The following HDAC6 variants were observed in gnomAD, a reference collection of about 807,000 sequenced individuals.
HDAC6 encodes the protein histone deacetylase 6, also known as protein deacetylase HDAC6.
Under a neutral mutation model 88.9 loss-of-function variants are expected in HDAC6, and 5 were observed. The ratio of observed to expected loss-of-function variants is 0.06; its 90% CI spans 0.03 to 0.12. The LOEUF (loss-of-function observed/expected upper bound fraction) is 0.12, where lower values mean the gene tolerates loss of function less well. HDAC6 is among the 10% of genes least tolerant of loss of function. The pLI, the probability that HDAC6 is intolerant of heterozygous loss-of-function variation, is 1.00. For missense variants in HDAC6, 706 were observed against 1,014.4 expected, an observed-to-expected ratio of 0.70 and a Z score of 4.13; for synonymous variants, 378 against 398.0, an observed-to-expected ratio of 0.95 and a Z score of 0.60.
At chrX:48,804,583 C>G (rs1043859840) in intron 4 of HDAC6, among the ~76,000 whole-genome samples, 1 of 112,355 alleles carries the variant, frequency 8.9e-6, no homozygotes, top group African/African-American at 3.2e-5. Flanking sequence ...CTAAGACTAA[C>G]TTACTATGGG....
At chrX:48,818,139 G>C (rs2147373140) in intron 21 of HDAC6, 30 bp downstream of exon 21, 1 of 1,180,178 alleles carries the variant, frequency 8.5e-7, no homozygotes, top group East Asian at 3.1e-5. Context: ...GCCGCAGTGT[G>C]ATCAGGGAGG....
At chrX:48,806,805 ATCC>A in intron 8 of HDAC6, 99 bp downstream of exon 8, 1 of 480,513 alleles carries the variant, frequency 2.1e-6, no homozygotes, top group Admixed American at 4.5e-5. Context: ...TGATTCAAGA[ATCC>A]AAAGGTAAAA....
At chrX:48,805,833 G>C in intron 6 of HDAC6, 162 bp downstream of exon 6, 2 of 464,650 alleles carry the variant, frequency 4.3e-6, no homozygotes, top group Non-Finnish European at 3.8e-6. Context: ...AAGGGGACCA[G>C]TAAACATAAG....
At chrX:48,812,974 C>A (rs1386333178) in intron 10 of HDAC6, among the ~76,000 whole-genome samples, 2 of 111,170 alleles carry the variant, frequency 1.8e-5, no homozygotes, top group Non-Finnish European at 3.8e-5. Context: ...GTGGCCCGAT[C>A]TCGGCTCACT....
In HDAC6 at chrX:48,808,048, C is replaced by T. The variant is rs782534324; in HGVS notation, c.648C>T (p.His216=). 8 of 1,203,825 alleles carry T rather than the reference C, an allele frequency of 6.6e-6. No homozygotes were observed. The highest frequency in any genetic ancestry group is 7.9e-6 in the Non-Finnish European group (7 of 890,381). The change falls in exon 9 of 29, where the codon CAC becomes CAT. Residue 216 remains histidine (H), a synonymous_variant. Transcript: ENST00000334136. ...GMAIIRPPGH[H]AQHSLMDGYC... Reference sequence around the variant, plus strand: ...TCTTGCCCAGGCCTCCTGGACATCACGCCCAGCACAGTCTTATGGATGGCT... The same window carrying T: ...TCTTGCCCAGGCCTCCTGGACATCATGCCCAGCACAGTCTTATGGATGGCT...
At chrX:48,817,251 C>CAA (rs1302262373) in intron 19 of HDAC6, 75 bp from the exon 20 acceptor site, 3,481 of 814,058 alleles carry the variant, frequency 4.3e-3, no homozygotes, top group Non-Finnish European at 4.4e-3. Context: ...GACTCCGTCT[C>CAA]AAAAAAAAAA....
chrX:48,802,564 A>C (rs782271491), intron 1 of HDAC6, 99 bp from the exon 2 acceptor site: 2 of 1,137,569 alleles, frequency 1.8e-6, no homozygotes, highest in Admixed American at 5.6e-5. Context: ...AAGGAATGGA[A>C]TCTAATAGAG....
In HDAC6 at chrX:48,823,517, A is replaced by G; in HGVS notation, c.3118A>G (p.Thr1040Ala). The G allele has an allele frequency of 1.7e-6, 2 of 1,210,256 alleles. No homozygotes were observed. Among genetic ancestry groups the G allele is most frequent in the Non-Finnish European group, 2.2e-6 (2 of 894,707 alleles). Residue 1040 changes from threonine to alanine, a missense_variant, in exon 25 of 29, where the codon ACT becomes GCT. Physicochemically the swap from Thr to Ala is moderately conservative, Grantham distance 58. Coordinates refer to ENST00000334136, the MANE Select transcript of HDAC6 (RefSeq NM_006044.4). ...QTPPTSPVQG[T>A]TPQISPSTLI... Reference sequence around the variant, plus strand: ...CCCCCCAACCTCACCTGTGCAGGGAACTACACCCCAGATATCTCCCAGTAC... The same window carrying G: ...CCCCCCAACCTCACCTGTGCAGGGAGCTACACCCCAGATATCTCCCAGTAC...
At chrX:48,815,668 G>A in intron 16 of HDAC6, 26 bp downstream of exon 16, 1 of 1,175,382 alleles carries the variant, frequency 8.5e-7, no homozygotes, top group South Asian at 1.8e-5. Flanking sequence ...TGGGCCTGGT[G>A]TGGGGTGGAC....
At chrX:48,808,892 T>C (rs1366564092) in intron 10 of HDAC6, among the ~76,000 whole-genome samples, 2 of 112,507 alleles carry the variant, frequency 1.8e-5, no homozygotes, top group African/African-American at 3.2e-5. Flanking sequence ...TGAATTTTTA[T>C]TATTATTGTT....
At chrX:48,809,767 A>T (rs1204741715) in intron 10 of HDAC6, among the ~76,000 whole-genome samples, 1 of 108,946 alleles carries the variant, frequency 9.2e-6, no homozygotes, top group African/African-American at 3.4e-5. Flanking sequence ...GCACCACTGC[A>T]CTCCAGCCTG....
At chrX:48,817,547 G>A (rs2063009246) in intron 20 of HDAC6, 88 bp downstream of exon 20, 3 of 918,808 alleles carry the variant, frequency 3.3e-6, no homozygotes, top group Non-Finnish European at 4.5e-6. Context: ...ATGCCCCATG[G>A]TCCAGCTCCC....
Position 48,818,220 on chromosome X carries a change from T to C in HDAC6, c.1995T>C (p.Ser665=). Residue 665 remains serine (S), a splice_region_variant and synonymous_variant, in exon 22 of 29, where the codon AGT becomes AGC. Coordinates refer to ENST00000334136, the MANE Select transcript of HDAC6 (RefSeq NM_006044.4). ...GTQHMFEDDP[S]VLYVSLHRYD... is the part of the protein sequence containing the mutation. ...CCGCTTCCCACCCCCTCCCTGGCAG[T>C]GTGCTATATGTGTCCCTGCACCGCT... 1 of 1,175,953 alleles carries C rather than the reference T, an allele frequency of 8.5e-7. No individual in the cohort carries two copies. The highest frequency in any genetic ancestry group is 1.1e-6 in the Non-Finnish European group (1 of 874,817).
chrX:48,816,715 G>A (rs1438997328), intron 19 of HDAC6, 82 bp downstream of exon 19: 6 of 859,837 alleles, frequency 7.0e-6, no homozygotes, highest in Non-Finnish European at 1.6e-6. Context: ...GAGGCTCTGA[G>A]AGAGTCAAGC....
intron 10 of HDAC6, among the ~76,000 whole-genome samples, chrX:48,813,105 C>T (rs782232547): frequency 3.6e-5 from 4 of 112,072 alleles, no homozygotes; most frequent in Non-Finnish European, 5.6e-5. Flanking sequence ...GACAGGGTTT[C>T]GCCATGTTGG....
Position 48,823,222 on chromosome X carries a change from G to A in HDAC6, c.2823G>A (p.Glu941=). The A allele has an allele frequency of 8.3e-7, 1 of 1,201,891 alleles. No homozygotes were observed. ...GAMLGQTTSE[E]AVGGATPDQT... The stretch of plus-strand genomic sequence containing the variant: ...TGCTGGGCCAGACCACCTCAGAGGA[G>A]GCTGTCGGGGGAGCCACTCCGGACC... Residue 941 remains glutamate (E), a synonymous_variant, in exon 25 of 29, where the codon GAG becomes GAA. Transcript: ENST00000334136.
rs781805615 is a variant in HDAC6, at chrX:48,817,476, G to T, written c.1925+17G>T. 4 of 1,200,973 alleles carry T rather than the reference G, an allele frequency of 3.3e-6. No individual in the cohort carries two copies. The highest frequency in any genetic ancestry group is 4.5e-6 in the Non-Finnish European group (4 of 889,772). On this transcript the variant is annotated intron_variant, in intron 20 of 28. Transcript: ENST00000334136. Reference sequence around the variant, plus strand: ...TGCCCTACGGTAAGGACTCCCTGGGGACCCCCCAAATCCTGATCCTTGTGG... The same window carrying T: ...TGCCCTACGGTAAGGACTCCCTGGGTACCCCCCAAATCCTGATCCTTGTGG...
At chrX:48,801,862 G>A, upstream of HDAC6, 6 of 972,161 alleles carry the variant, frequency 6.2e-6, no homozygotes, top group South Asian at 1.2e-4. Flanking sequence ...CTGAGCGCTC[G>A]CGTCCCCACA....
intron 4 of HDAC6, among the ~76,000 whole-genome samples, chrX:48,803,957 G>A (rs1229952655): frequency 8.9e-6 from 1 of 112,353 alleles, no homozygotes; most frequent in Admixed American, 9.4e-5. Flanking sequence ...GAGGTCAGGA[G>A]TTCGAGACCG....
Sources: allele counts gnomAD v4.1 joint callset (sites outside exome capture counted in the v4.1 genomes callset), GRCh38; gene constraint gnomAD v4.1.1; transcripts MANE v1.5; gene names NCBI Gene and HGNC (gene_info 2026-07-23, HGNC 2026-07-21).